FHIT: variants seen among roughly 807,000 people sequenced by gnomAD.
The protein encoded by FHIT is bis(5'-adenosyl)-triphosphatase.
A neutral mutation model predicts 17.9 loss-of-function variants in FHIT; 19 were observed. The ratio of observed to expected loss-of-function variants is 1.06; its 90% CI spans 0.74 to 1.56. The LOEUF is 1.56. Ranked by LOEUF, FHIT falls within the 40% of genes most tolerant of loss-of-function variation. The pLI, the probability that FHIT is intolerant of heterozygous loss-of-function variation, is 0.00. For missense variants in FHIT, 248 were observed against 189.2 expected (o/e 1.31, Z -1.82); for synonymous variants, 81 against 69.7 (o/e 1.16, Z -0.81).
chr3:60,351,731 T>C (rs962636424), intron 5 of FHIT, among the ~76,000 whole-genome samples: 16 of 152,178 alleles, frequency 1.1e-4, no homozygotes, highest in African/African-American at 3.9e-4. Context: ...ATCTAGAGAA[T>C]CTAATAGTCT....
chr3:60,734,189 G>A (rs540928253), intron 4 of FHIT, among the ~76,000 whole-genome samples: 13 of 152,158 alleles, frequency 8.5e-5, no homozygotes, highest in African/African-American at 3.1e-4. Flanking sequence ...TGATCACAAC[G>A]TTCTTTTCTT....
chr3:61,231,387 G>A (rs530485876), intron 1 of FHIT, among the ~76,000 whole-genome samples: 20 of 152,062 alleles, frequency 1.3e-4, no homozygotes, highest in African/African-American at 4.3e-4. Context: ...CCAGCTACTC[G>A]GGAGGCTGAG....
chr3:60,291,575 T>C (rs964305091), intron 5 of FHIT, among the ~76,000 whole-genome samples: 4 of 152,192 alleles, frequency 2.6e-5, no homozygotes, highest in African/African-American at 7.2e-5. Context: ...TATTTATGTT[T>C]TCAGCTCGAT....
intron 8 of FHIT, among the ~76,000 whole-genome samples, chr3:59,781,840 C>A (rs1003659590): frequency 6.6e-6 from 1 of 152,212 alleles, no homozygotes; most frequent in African/African-American, 2.4e-5. Flanking sequence ...GATGGGGTAA[C>A]CTTGGCAAGT....
chr3:61,168,772 A>G (rs1414949562), intron 2 of FHIT, among the ~76,000 whole-genome samples: 1 of 152,260 alleles, frequency 6.6e-6, no homozygotes, highest in African/African-American at 2.4e-5. Context: ...ATGAAAATGA[A>G]TTCTTACAAA....
At chr3:60,700,725 TGG>T (rs2041226599) in intron 4 of FHIT, among the ~76,000 whole-genome samples, 1 of 152,192 alleles carries the variant, frequency 6.6e-6, no homozygotes, top group Admixed American at 6.5e-5. Flanking sequence ...TTAACAAGCA[TGG>T]ATATTATCAA....
chr3:59,843,739 G>T, intron 8 of FHIT, among the ~76,000 whole-genome samples: 1 of 150,446 alleles, frequency 6.6e-6, no homozygotes, highest in Admixed American at 6.6e-5. Flanking sequence ...GTGTCTTATT[G>T]CTTTGTTGAA....
intron 5 of FHIT, among the ~76,000 whole-genome samples, chr3:60,382,309 C>A (rs1700833352): frequency 6.6e-6 from 1 of 152,156 alleles, no homozygotes. Flanking sequence ...TATAAAACTA[C>A]AAAATACTAA....
intron 2 of FHIT, among the ~76,000 whole-genome samples, chr3:61,177,472 G>A (rs2107155384): frequency 6.6e-6 from 1 of 152,202 alleles, no homozygotes; most frequent in South Asian, 2.1e-4. Context: ...GTAGTAAAAA[G>A]TTACTTTAAA....
At chr3:60,867,693 G>T (rs1257796907) in intron 3 of FHIT, among the ~76,000 whole-genome samples, 1 of 152,082 alleles carries the variant, frequency 6.6e-6, no homozygotes, top group Non-Finnish European at 1.5e-5. Flanking sequence ...TTAAGTCAAA[G>T]AAAAAACTAT....
chr3:60,736,742 T>A (rs75933319), intron 4 of FHIT, among the ~76,000 whole-genome samples: 1 of 152,360 alleles, frequency 6.6e-6, no homozygotes, highest in Admixed American at 6.5e-5. Context: ...TTTGTATTTA[T>A]ACTAAAACCA....
chr3:59,829,669 G>A (rs967308247), intron 8 of FHIT, among the ~76,000 whole-genome samples: 1 of 152,150 alleles, frequency 6.6e-6, no homozygotes, highest in Non-Finnish European at 1.5e-5. Flanking sequence ...ACTCTGACCA[G>A]TTCTGGCCAA....
rs542609229 is a variant in FHIT, at chr3:60,135,010, A to C, written c.104-120858T>G. The stretch of plus-strand genomic sequence containing the variant: ...GAGGAAAGGAGATGAAAAAGGATAG[A>C]AGAGAAAGGGAAGCCAGTGAGGGAG... On this transcript the variant is annotated intron_variant, in intron 5 of 9. Transcript: ENST00000492590. Among the ~76,000 whole-genome samples the C allele has an allele frequency of 6.6e-5, 10 of 152,206 alleles. No homozygotes were observed. In the East Asian group the frequency reaches 1.5e-3, roughly 24 times the overall value.
At chr3:61,084,668 T>G (rs929143551) in intron 2 of FHIT, among the ~76,000 whole-genome samples, 1 of 152,344 alleles carries the variant, frequency 6.6e-6, no homozygotes, top group African/African-American at 2.4e-5. Flanking sequence ...ATACATTTAT[T>G]GAGGTAAAAT....
At chr3:60,357,522 G>A (rs772924285) in intron 5 of FHIT, among the ~76,000 whole-genome samples, 2 of 152,064 alleles carry the variant, frequency 1.3e-5, no homozygotes, top group Non-Finnish European at 2.9e-5. Context: ...TGGAATTACA[G>A]GCATGAGCCA....
chr3:60,752,350 T>C (rs530716623), intron 4 of FHIT, among the ~76,000 whole-genome samples: 1 of 152,274 alleles, frequency 6.6e-6, no homozygotes, highest in South Asian at 2.1e-4. Context: ...AGATAACACG[T>C]GAAATTCCAG....
chr3:60,486,630 T>C (rs434054), intron 5 of FHIT, among the ~76,000 whole-genome samples: 6,842 of 152,262 alleles, frequency 0.045, 198 homozygotes, highest in Middle Eastern at 0.11. Flanking sequence ...CATTAATTAT[T>C]GAAGGTAATA....
chr3:60,005,809 AAAT>A lies in FHIT; in HGVS notation c.279+5559_279+5561del, dbSNP rs138877654. Among the ~76,000 whole-genome samples, 571 of 152,330 alleles carry A rather than the reference AAAT, an allele frequency of 3.7e-3. 8 individuals carry two copies. The highest frequency in any genetic ancestry group is 0.013 in the African/African-American group (546 of 41,580). On this transcript the variant is annotated intron_variant, in intron 7 of 9. Transcript: ENST00000492590. ...TCTCTTGGAGTGTCTTTCCAAATGA[AAAT>A]AATAAGTAACGGTAAAAGAAAATCA...
At chr3:60,502,796 G>A (rs1027816463) in intron 5 of FHIT, among the ~76,000 whole-genome samples, 8 of 151,942 alleles carry the variant, frequency 5.3e-5, no homozygotes, top group Non-Finnish European at 8.8e-5. Flanking sequence ...TGAATTGCAC[G>A]GTGTGTGAAG....
Sources: gnomAD v4.1 joint callset for allele counts (sites outside exome capture counted in the v4.1 genomes callset) on GRCh38, gnomAD v4.1.1 for gene constraint, MANE v1.5 for transcripts, NCBI Gene and HGNC (gene_info 2026-07-23, HGNC 2026-07-21) for gene names.